The following CLMP variants were observed in gnomAD, a reference collection of about 807,000 sequenced individuals.
CLMP encodes CXADR-like membrane protein.
Under a neutral mutation model 45.2 loss-of-function variants are expected in CLMP, and 27 were observed. That is an observed-to-expected ratio of 0.60 (90% CI 0.44 to 0.82). The LOEUF (loss-of-function observed/expected upper bound fraction) is 0.82. CLMP is among the 40% of genes least tolerant of loss of function. The pLI is 0.00. For missense variants in CLMP, 403 were observed against 448.4 expected (o/e 0.90, Z 0.91); for synonymous variants, 167 against 171.4 (o/e 0.97, Z 0.20).
intron 1 of CLMP, among the ~76,000 whole-genome samples, chr11:123,176,321 T>C (rs1310478280): frequency 6.7e-6 from 1 of 149,978 alleles, no homozygotes; most frequent in Non-Finnish European, 1.5e-5. Context: ...GTTCCTGAAA[T>C]AAAAAAAAAA....
intron 1 of CLMP, among the ~76,000 whole-genome samples, chr11:123,135,441 C>G (rs951433012): frequency 1.3e-5 from 2 of 151,942 alleles, no homozygotes; most frequent in African/African-American, 4.8e-5. Context: ...CAGTGAAAAA[C>G]GAAGTCCTGA....
At chr11:123,125,430 G>C (rs1382132296) in intron 1 of CLMP, among the ~76,000 whole-genome samples, 1 of 148,128 alleles carries the variant, frequency 6.8e-6, no homozygotes, top group Non-Finnish European at 1.5e-5. Context: ...CCGGGGCCAC[G>C]TTCCCCAGCA....
At chr11:123,088,712 G>A (rs1340933139) in intron 2 of CLMP, among the ~76,000 whole-genome samples, 2 of 152,068 alleles carry the variant, frequency 1.3e-5, no homozygotes, top group Non-Finnish European at 2.9e-5. Flanking sequence ...TGCAACCTCC[G>A]CCTCCTGGGT....
chr11:123,122,926 T>C (rs188067819), intron 1 of CLMP, among the ~76,000 whole-genome samples: 110 of 152,266 alleles, frequency 7.2e-4, no homozygotes, highest in African/African-American at 2.5e-3. Flanking sequence ...ATTAAAGAAG[T>C]ACACAAATGC....
chr11:123,080,933 A>G (rs1243588033), intron 5 of CLMP, among the ~76,000 whole-genome samples: 2 of 152,110 alleles, frequency 1.3e-5, no homozygotes, highest in Admixed American at 6.6e-5. Context: ...TCACGAGGTC[A>G]GTAGTTTGAG....
rs150643370 is a variant in CLMP, at chr11:123,158,062, G to A, written c.28+36851C>T. Among the ~76,000 whole-genome samples, 1,131 of 152,134 alleles carry A rather than the reference G, an allele frequency of 7.4e-3. 9 individuals are homozygous for A. The highest frequency in any genetic ancestry group is 0.012 in the Non-Finnish European group (784 of 68,022). On this transcript the variant is annotated intron_variant, in intron 1 of 6. Transcript: ENST00000448775. ...TTCACACACATTACTCAATCCACCC[G>A]AAAAGTACTCTGTACTGCTTCACTC...
chr11:123,193,673 CA>C (rs1861939429), intron 1 of CLMP, among the ~76,000 whole-genome samples: 1 of 152,102 alleles, frequency 6.6e-6, no homozygotes, highest in Admixed American at 6.5e-5. Context: ...TGTAAAGTTT[CA>C]AAAAAGACAG....
chr11:123,189,058 G>A (rs1169029924), intron 1 of CLMP: 1 of 152,196 alleles, frequency 6.6e-6, no homozygotes, highest in African/African-American at 2.4e-5. Context: ...GTCTTCTGAC[G>A]TATTAGAAGG....
At chr11:123,150,436 A>G (rs1230863390) in intron 1 of CLMP, among the ~76,000 whole-genome samples, 1 of 62,786 alleles carries the variant, frequency 1.6e-5, no homozygotes, top group African/African-American at 6.5e-5. Context: ...AGAAAGAAAG[A>G]AAGAAAGAAA....
chr11:123,106,382 G>GGTGTGTGT (rs539659160), intron 1 of CLMP, among the ~76,000 whole-genome samples: 112 of 135,276 alleles, frequency 8.3e-4, no homozygotes, highest in African/African-American at 1.3e-3. Flanking sequence ...TTCTGTAGGA[G>GGTGTGTGT]GTGTGTGTGT....
chr11:123,157,063 G>C (rs922175925), intron 1 of CLMP, among the ~76,000 whole-genome samples: 4 of 152,152 alleles, frequency 2.6e-5, no homozygotes, highest in African/African-American at 9.7e-5. Flanking sequence ...TTATCACCTG[G>C]CTCTGAATTC....
At chr11:123,116,170 T>C (rs1860717570) in intron 1 of CLMP, among the ~76,000 whole-genome samples, 1 of 151,838 alleles carries the variant, frequency 6.6e-6, no homozygotes, top group African/African-American at 2.4e-5. Context: ...TTCTACTTGT[T>C]ATAAGCAATT....
intron 1 of CLMP, among the ~76,000 whole-genome samples, chr11:123,140,293 T>C (rs1241986957): frequency 1.3e-5 from 2 of 152,148 alleles, no homozygotes; most frequent in African/African-American, 2.4e-5. Context: ...AAAATATCTT[T>C]GGTTGTATAG....
At chr11:123,114,472 C>CT (rs768261705) in intron 1 of CLMP, among the ~76,000 whole-genome samples, 27,755 of 124,732 alleles carry the variant, frequency 0.22, 3,216 homozygotes, top group Admixed American at 0.27. Context: ...TCCTTCCTTC[C>CT]TTTTTTTTTT....
At chr11:123,119,694 G>T (rs1051162875) in intron 1 of CLMP, among the ~76,000 whole-genome samples, 1 of 149,188 alleles carries the variant, frequency 6.7e-6, no homozygotes, top group African/African-American at 2.5e-5. Context: ...TTATTTTGTT[G>T]TTTTTTTTTT....
chr11:123,128,525 T>C (rs924399694), intron 1 of CLMP, among the ~76,000 whole-genome samples: 1 of 152,100 alleles, frequency 6.6e-6, no homozygotes, highest in Admixed American at 6.6e-5. Context: ...CCAGATGTGG[T>C]GGCACAAGCC....
At chr11:123,094,638 CCTCCCA>C (rs1865969735) in intron 2 of CLMP, among the ~76,000 whole-genome samples, 2 of 152,136 alleles carry the variant, frequency 1.3e-5, no homozygotes, top group Admixed American at 6.6e-5. Context: ...CTCAAGTAGT[CCTCCCA>C]CCTCAACCTC....
chr11:123,187,742 G>A (rs914156604), intron 1 of CLMP, among the ~76,000 whole-genome samples: 1 of 152,030 alleles, frequency 6.6e-6, no homozygotes, highest in Non-Finnish European at 1.5e-5. Context: ...CTGTGTCACT[G>A]GCAGGTTGTG....
intron 1 of CLMP, among the ~76,000 whole-genome samples, chr11:123,099,113 T>C (rs1866024996): frequency 6.6e-6 from 1 of 152,168 alleles, no homozygotes; most frequent in Non-Finnish European, 1.5e-5. Context: ...ATTGCAGGCA[T>C]GAGCCACCGT....
Sources: gnomAD v4.1 joint callset for allele counts (sites outside exome capture counted in the v4.1 genomes callset) on GRCh38, gnomAD v4.1.1 for gene constraint, MANE v1.5 for transcripts, NCBI Gene and HGNC (gene_info 2026-07-23, HGNC 2026-07-21) for gene names.